Variants in KDM3B observed in about 807,000 individuals in gnomAD.
The protein encoded by KDM3B is lysine-specific demethylase 3B.
KDM3B carries 10 observed loss-of-function variants against 170.0 expected under a neutral mutation model. That is an observed-to-expected ratio of 0.06 (90% confidence interval 0.04 to 0.10). The LOEUF is 0.10. KDM3B is among the 10% of genes least tolerant of loss of function. The pLI is 1.00. For synonymous variants in KDM3B, 831 were observed against 834.8 expected (o/e 1.00, Z 0.08); for missense variants, 1,394 against 2,195.2 (o/e 0.64, Z 7.29).
chr5:138,353,040 C>A, intron 1 of KDM3B, 53 bp downstream of exon 1: 1 of 851,666 alleles, frequency 1.2e-6, no homozygotes, highest in Non-Finnish European at 1.4e-6. Flanking sequence ...GGCCTGCGGG[C>A]GGCCTCCCCG....
intron 11 of KDM3B, among the ~76,000 whole-genome samples, chr5:138,406,646 AAAAAG>A (rs1267604134): frequency 2.6e-5 from 4 of 152,220 alleles, no homozygotes; most frequent in Non-Finnish European, 4.4e-5. Flanking sequence ...CTCAATAAAA[AAAAAG>A]AAAAGTTAAA....
chr5:138,360,933 C>A (rs1263314994), intron 1 of KDM3B, among the ~76,000 whole-genome samples: 4 of 152,142 alleles, frequency 2.6e-5, no homozygotes, highest in African/African-American at 9.7e-5. Flanking sequence ...TTCACTAACT[C>A]CCCACCTGCC....
In KDM3B at chr5:138,417,626, T is replaced by G; in HGVS notation, c.3435+16T>G. 6.2e-7 allele frequency: 1 copy of G among 1,608,218 alleles called. No individual in the cohort carries two copies. The highest frequency in any genetic ancestry group is 8.5e-7 in the Non-Finnish European group (1 of 1,175,602). ...GATGTCACAGGTAAACTGGTGTGTG[T>G]GGGTATAACTAAGTGAAGCCTAAAT... is the stretch of plus-strand genomic sequence containing the variant. On this transcript the variant is annotated intron_variant, in intron 13 of 23. Coordinates refer to ENST00000314358, the MANE Select transcript of KDM3B (RefSeq NM_016604.4).
chr5:138,354,067 TG>T (rs1310877299), intron 1 of KDM3B, among the ~76,000 whole-genome samples: 1 of 152,182 alleles, frequency 6.6e-6, no homozygotes, highest in African/African-American at 2.4e-5. Context: ...GAACGCAGTT[TG>T]TGAGATTTGG....
At chr5:138,433,782 A>G (rs1448100328) in intron 23 of KDM3B, among the ~76,000 whole-genome samples, 2 of 151,842 alleles carry the variant, frequency 1.3e-5, no homozygotes, top group African/African-American at 4.8e-5. Flanking sequence ...TCCGTTGCCC[A>G]CGCTGGAGGG....
intron 11 of KDM3B, among the ~76,000 whole-genome samples, chr5:138,412,182 A>AAAC (rs1339128734): frequency 6.6e-6 from 1 of 151,504 alleles, no homozygotes; most frequent in Non-Finnish European, 1.5e-5. Flanking sequence ...CTAAAAATAC[A>AAAC]AAAATTAGCT....
chr5:138,429,271 C>G (rs945476708), intron 20 of KDM3B, among the ~76,000 whole-genome samples: 1 of 152,006 alleles, frequency 6.6e-6, no homozygotes, highest in Admixed American at 6.6e-5. Flanking sequence ...AGGCTGGGCT[C>G]GAACTCCCAA....
chr5:138,430,386 A>T lies in KDM3B; in HGVS notation c.5031A>T (p.Leu1677=), dbSNP rs577055073. Reference sequence around the variant, plus strand: ...AAGGCTGGGCTATTGTGCAGTTCCTAGGTGATGCTGTTTTCATACCTGCTG... The same window carrying T: ...AAGGCTGGGCTATTGTGCAGTTCCTTGGTGATGCTGTTTTCATACCTGCTG... The part of the protein sequence containing the change: ...GVQGWAIVQF[L]GDAVFIPAGA... Residue 1677 remains leucine (L), a synonymous_variant, in exon 22 of 24, where the codon CTA becomes CTT. Transcript: ENST00000314358. 6.2e-7 allele frequency: 1 copy of T among 1,614,058 alleles called. No homozygotes were observed. The highest frequency in any genetic ancestry group is 1.3e-5 in the African/African-American group (1 of 75,020).
chr5:138,384,326 G>A (rs538215824), intron 6 of KDM3B, among the ~76,000 whole-genome samples: 188 of 151,940 alleles, frequency 1.2e-3, no homozygotes, highest in African/African-American at 4.5e-3. Flanking sequence ...GAGGCTGGGC[G>A]TGGTGGCTCA....
At chr5:138,410,960 G>T (rs997715001) in intron 11 of KDM3B, among the ~76,000 whole-genome samples, 2 of 152,364 alleles carry the variant, frequency 1.3e-5, no homozygotes, top group East Asian at 3.9e-4. Flanking sequence ...GACCACTGAA[G>T]CACAGCATCA....
rs61340392 is a variant in KDM3B, at chr5:138,360,572, CTTTTTTTTTTT to C, written c.192+7594_192+7604del. On this transcript the variant is annotated intron_variant, in intron 1 of 23. Transcript: ENST00000314358. The stretch of plus-strand genomic sequence containing the variant: ...TGTGTGAATTTTAATAGTTCTATTT[CTTTTTTTTTTT>C]TTTTTTTTGAGACGGAGTCTCACTT... Among the ~76,000 whole-genome samples, 4 of 102,038 alleles carry C rather than the reference CTTTTTTTTTTT, an allele frequency of 3.9e-5. No homozygotes were observed. In the Admixed American group the frequency reaches 4.3e-4, roughly 11 times the overall value. 66.9% of individuals were successfully genotyped at this position (102,038 alleles called of 152,430 possible).
intron 1 of KDM3B, 138 bp from the exon 2 acceptor site, chr5:138,372,536 C>A (rs1761900086): frequency 1.5e-6 from 1 of 686,014 alleles, no homozygotes; most frequent in Non-Finnish European, 2.4e-6. Context: ...CTATTATTGA[C>A]ACCCATTAAA....
intron 1 of KDM3B, among the ~76,000 whole-genome samples, chr5:138,359,169 T>TC (rs1310813429): frequency 2.7e-5 from 4 of 145,720 alleles, no homozygotes; most frequent in African/African-American, 1.0e-4. Context: ...TATTTATTTA[T>TC]TTTTTTTTTT....
intron 2 of KDM3B, 67 bp from the exon 3 acceptor site, chr5:138,375,026 G>T (rs986048651): frequency 1.2e-6 from 1 of 822,334 alleles, no homozygotes. Flanking sequence ...TGAAGTTAGA[G>T]ATTTGTTTGA....
intron 21 of KDM3B, 44 bp from the exon 22 acceptor site, chr5:138,430,205 A>G: frequency 6.2e-7 from 1 of 1,601,924 alleles, no homozygotes; most frequent in Non-Finnish European, 8.5e-7. Flanking sequence ...TATGCTGTTA[A>G]TGATTTTTAA....
At chr5:138,380,387 TCA>T (rs954898176) in intron 5 of KDM3B, among the ~76,000 whole-genome samples, 10 of 149,850 alleles carry the variant, frequency 6.7e-5, no homozygotes, top group Non-Finnish European at 1.0e-4. Context: ...ATTATATAAG[TCA>T]CACTTTAGTA....
chr5:138,393,445 C>A, intron 9 of KDM3B, 73 bp downstream of exon 9: 2 of 1,230,298 alleles, frequency 1.6e-6, no homozygotes, highest in South Asian at 1.3e-5. Context: ...TTCTCTGAGT[C>A]TATAAACATG....
chr5:138,373,197 A>T (rs1761916237), intron 2 of KDM3B, among the ~76,000 whole-genome samples: 1 of 151,990 alleles, frequency 6.6e-6, no homozygotes, highest in African/African-American at 2.4e-5. Flanking sequence ...AAAATTAGCT[A>T]GGTCTGGTGG....
chr5:138,421,316 T>G (rs1018869851), intron 15 of KDM3B, among the ~76,000 whole-genome samples: 4 of 152,244 alleles, frequency 2.6e-5, no homozygotes, highest in Admixed American at 2.6e-4. Flanking sequence ...TTAATGCGCC[T>G]AAGCCTGAAC....
Sources: allele counts gnomAD v4.1 joint callset (sites outside exome capture counted in the v4.1 genomes callset), GRCh38; gene constraint gnomAD v4.1.1; transcripts MANE v1.5; gene names NCBI Gene and HGNC (gene_info 2026-07-23, HGNC 2026-07-21).